KRTAP5-11: variants seen among roughly 807,000 people sequenced by gnomAD.
The protein encoded by KRTAP5-11 is keratin associated protein 5-11.
For missense variants in KRTAP5-11, 202 were observed against 188.7 expected, an observed-to-expected ratio of 1.07 and a Z score of -0.41; for synonymous variants, 88 against 73.0, an observed-to-expected ratio of 1.21 and a Z score of -1.05.
chr11:71,582,110 C>T lies in KRTAP5-11; in HGVS notation c.*257G>A. ...AGCCCAGGGAGAAGAAGAAGATGGTCCACACCCAAGTGCAGGGAACACCAT... is the reference window on the plus strand; with the variant it reads ...AGCCCAGGGAGAAGAAGAAGATGGTTCACACCCAAGTGCAGGGAACACCAT... On this transcript the variant is annotated 3_prime_UTR_variant, in exon 1 of 1. Transcript: ENST00000398530. 1.4e-6 allele frequency: 1 copy of T among 718,054 alleles called. No individual in the cohort carries two copies. The highest frequency in any genetic ancestry group is 3.0e-5 in the Admixed American group (1 of 33,032). The allele number at this position is 718,054 out of a possible 1,614,324, so 44.5% of individuals were successfully genotyped here.
In KRTAP5-11 at chr11:71,582,846, C is replaced by A. The variant is rs75907819; in HGVS notation, c.-9G>T. 57,891 of 1,613,790 alleles carry A rather than the reference C, an allele frequency of 0.036. 1,969 individuals are homozygous for A. The highest frequency in any genetic ancestry group is 0.13 in the East Asian group (5,794 of 44,874). On this transcript the variant is annotated 5_prime_UTR_variant, in exon 1 of 1. Transcript: ENST00000398530. ...CAGCCACAGCAGCCCATGATTCTGG[C>A]GGATTGAGAGTAGAGCAGGTAGAGG... is the stretch of plus-strand genomic sequence containing the variant.
At position 71,582,155 on chromosome 11, in the gene KRTAP5-11, C is replaced by A. The variant is rs1950272556; in HGVS notation, c.*212G>T. ...CACCATGGCGTCCAGGGAAGAACAC[C>A]TCCTGCATCAAGGAAACACATGTTT... On this transcript the variant is annotated 3_prime_UTR_variant, in exon 1 of 1. Coordinates refer to ENST00000398530, the MANE Select transcript of KRTAP5-11 (RefSeq NM_001005405.3). The A allele has an allele frequency of 2.9e-6, 3 of 1,049,840 alleles. No homozygotes were observed. Among genetic ancestry groups the A allele is most frequent in the South Asian group, 3.4e-5 (2 of 59,428 alleles). 65.0% of individuals were successfully genotyped at this position (1,049,840 alleles called of 1,614,324 possible).
chr11:71,582,597 C>T lies in KRTAP5-11; in HGVS notation c.241G>A (p.Gly81Ser), dbSNP rs373729662. 1.3e-4 allele frequency: 202 copies of T among 1,613,942 alleles called. 1 individual carries two copies. Among genetic ancestry groups the T allele is most frequent in the Non-Finnish European group, 1.7e-4 (198 of 1,179,992 alleles). Residue 81 changes from glycine (G) to serine (S), a missense_variant, in exon 1 of 1, where the codon GGC (glycine) becomes AGC (serine). Coordinates refer to ENST00000398530, the MANE Select transcript of KRTAP5-11 (RefSeq NM_001005405.3). The part of the protein sequence containing the change: ...GSSKGGCGSC[G>S]CSQSNCCKPC... ...TTACAGCAGTTGGACTGGGAGCAGCCACAAGAACCACACCCACCCTTGGAG... is the reference window on the plus strand; with the variant it reads ...TTACAGCAGTTGGACTGGGAGCAGCTACAAGAACCACACCCACCCTTGGAG...
In KRTAP5-11 at chr11:71,582,545, C is replaced by A; in HGVS notation, c.293G>T (p.Gly98Val). The stretch of plus-strand genomic sequence containing the variant: ...GCAGCTGGACTGGCAGCAGAATGAC[C>A]CACAGCCTGAGGAGGAGCAGCAGGG... ...CKPCCSSSGCGSFCCQSSCSK... is the reference protein window; with the variant it reads ...CKPCCSSSGCVSFCCQSSCSK... Residue 98 changes from glycine (G) to valine (V), a missense_variant, in exon 1 of 1, where the codon GGG becomes GTG. Gly to Val is a moderately radical substitution (Grantham distance 109). Transcript: ENST00000398530. The A allele has an allele frequency of 6.2e-7, 1 of 1,613,766 alleles. No homozygotes were observed. The highest frequency in any genetic ancestry group is 1.3e-5 in the African/African-American group (1 of 74,818).
chr11:71,582,218 G>C lies in KRTAP5-11; in HGVS notation c.*149C>G, dbSNP rs1363178247. The stretch of plus-strand genomic sequence containing the variant: ...AGCTGAAGGCAGGGCCTAGAGGAGA[G>C]CCGAGCCATGGAAAGAGGTGCATGC... On this transcript the variant is annotated 3_prime_UTR_variant, in exon 1 of 1. Coordinates refer to ENST00000398530, the MANE Select transcript of KRTAP5-11 (RefSeq NM_001005405.3). 1.9e-5 allele frequency: 29 copies of C among 1,520,206 alleles called. No homozygotes were observed. Among genetic ancestry groups the C allele is most frequent in the Non-Finnish European group, 2.5e-5 (28 of 1,123,106 alleles). The allele number at this position is 1,520,206 out of a possible 1,614,324, so 94.2% of individuals were successfully genotyped here.
Position 71,582,771 on chromosome 11 carries a change from C to T in KRTAP5-11, c.67G>A (p.Gly23Ser), listed in dbSNP as rs1400626245. The T allele has an allele frequency of 6.5e-7, 1 of 1,529,858 alleles. No individual in the cohort carries two copies. Among genetic ancestry groups the T allele is most frequent in the African/African-American group, 2.0e-5 (1 of 50,264 alleles). 94.8% of individuals were successfully genotyped at this position (1,529,858 alleles called of 1,614,324 possible). The change falls in exon 1 of 1, where the codon GGC (glycine) becomes AGC (serine). Residue 23 changes from glycine (G) to serine (S), a missense_variant. Coordinates refer to ENST00000398530, the MANE Select transcript of KRTAP5-11 (RefSeq NM_001005405.3). Reference protein sequence around the residue: ...GCGGCGSGSGGCGSGCGGCGS... With the variant: ...GCGGCGSGSGSCGSGCGGCGS... ...CAGCCCCCACAGCCAGAGCCACAGC[C>T]CCCACTGCCGGAGCCACAGCCCCCA...
Position 71,582,739 on chromosome 11 carries a change from GGAGCCACAGCCCCCACAGCCA to G in KRTAP5-11, c.78_98del (p.Gly27_Ser33del), listed in dbSNP as rs1231471865. 3 of 1,530,028 alleles carry G rather than the reference GGAGCCACAGCCCCCACAGCCA, an allele frequency of 2.0e-6. No homozygotes were observed. The highest frequency in any genetic ancestry group is 2.0e-5 in the African/African-American group (1 of 50,314). The allele number at this position is 1,530,028 out of a possible 1,614,324, so 94.8% of individuals were successfully genotyped here. A position where few individuals can be genotyped will look rare whatever the true frequency, so the allele number is the denominator to read the frequency against. On this transcript the variant is annotated inframe_deletion, in exon 1 of 1. Coordinates refer to ENST00000398530, the MANE Select transcript of KRTAP5-11 (RefSeq NM_001005405.3). The stretch of plus-strand genomic sequence containing the variant: ...AGCAGCAAATGGGCACACAGCAGCT[GGAGCCACAGCCCCCACAGCCA>G]GAGCCACAGCCCCCACTGCCGGAGC...
Position 71,582,118 on chromosome 11 carries a change from A to T in KRTAP5-11, c.*249T>A. 1 of 756,708 alleles carries T rather than the reference A, an allele frequency of 1.3e-6. No homozygotes were observed. Among genetic ancestry groups the T allele is most frequent in the East Asian group, 2.9e-5 (1 of 34,742 alleles). The allele number at this position is 756,708 out of a possible 1,614,324, so 46.9% of individuals were successfully genotyped here. A position where few individuals can be genotyped will look rare whatever the true frequency, so the allele number is the denominator to read the frequency against. ...GAGAAGAAGAAGATGGTCCACACCC[A>T]AGTGCAGGGAACACCATGGCGTCCA... On this transcript the variant is annotated 3_prime_UTR_variant, in exon 1 of 1. Coordinates refer to ENST00000398530, the MANE Select transcript of KRTAP5-11 (RefSeq NM_001005405.3).
At position 71,582,762 on chromosome 11, in the gene KRTAP5-11, AGCCACAGCCCCCACTGCCG is replaced by A; in HGVS notation, c.57_75del (p.Gly20LeufsTer145). 1 of 1,530,006 alleles carries A rather than the reference AGCCACAGCCCCCACTGCCG, an allele frequency of 6.5e-7. No individual in the cohort carries two copies. The highest frequency in any genetic ancestry group is 1.9e-4 in the Middle Eastern group (1 of 5,266). The allele number at this position is 1,530,006 out of a possible 1,614,324, so 94.8% of individuals were successfully genotyped here. On this transcript the variant is annotated frameshift_variant, in exon 1 of 1. Transcript: ENST00000398530. LOFTEE classifies it low-confidence loss of function (END_TRUNC). ...CTGGAGCCACAGCCCCCACAGCCAG[AGCCACAGCCCCCACTGCCG>A]GAGCCACAGCCCCCACAGCCAGAGC...
chr11:71,582,489 A>G lies in KRTAP5-11; in HGVS notation c.349T>C (p.Cys117Arg). The change falls in exon 1 of 1, where the codon TGC (cysteine) becomes CGC (arginine). Residue 117 changes from cysteine (C) to arginine (R), a missense_variant. Coordinates refer to ENST00000398530, the MANE Select transcript of KRTAP5-11 (RefSeq NM_001005405.3). ...SKPCCCQSSC[C>R]QSSCCKPCCC... ...CAGGGCTTGCAGCAGCTGGACTGGC[A>G]GCAGCTGGATTGGCAGCAGCAGGGT... 6.2e-7 allele frequency: 1 copy of G among 1,613,798 alleles called. No homozygotes were observed.
Position 71,582,143 on chromosome 11 carries a change from A to G in KRTAP5-11, c.*224T>C, listed in dbSNP as rs1220500414. On this transcript the variant is annotated 3_prime_UTR_variant, in exon 1 of 1. Transcript: ENST00000398530. ...AAGTGCAGGGAACACCATGGCGTCC[A>G]GGGAAGAACACCTCCTGCATCAAGG... 1.2e-5 allele frequency: 11 copies of G among 935,842 alleles called. No homozygotes were observed. Among genetic ancestry groups the G allele is most frequent in the South Asian group, 7.1e-5 (4 of 56,268 alleles). 58.0% of individuals were successfully genotyped at this position (935,842 alleles called of 1,614,324 possible). A position where few individuals can be genotyped will look rare whatever the true frequency, so the allele number is the denominator to read the frequency against.
In KRTAP5-11 at chr11:71,582,357, G is replaced by T; in HGVS notation, c.*10C>A. On this transcript the variant is annotated 3_prime_UTR_variant, in exon 1 of 1. Coordinates refer to ENST00000398530, the MANE Select transcript of KRTAP5-11 (RefSeq NM_001005405.3). ...AAAGAGGAGAAACCTGAAGGTCTGG[G>T]TCCAGAGCCTCAGATCTTACACTGG... 6.2e-7 allele frequency: 1 copy of T among 1,614,194 alleles called. No individual in the cohort carries two copies. Among genetic ancestry groups the T allele is most frequent in the Non-Finnish European group, 8.5e-7 (1 of 1,180,044 alleles).
Position 71,582,253 on chromosome 11 carries a change from G to A in KRTAP5-11, c.*114C>T, listed in dbSNP as rs1950273071. 7 of 1,577,026 alleles carry A rather than the reference G, an allele frequency of 4.4e-6. No individual in the cohort carries two copies. The highest frequency in any genetic ancestry group is 4.3e-6 in the Non-Finnish European group (5 of 1,160,282). ...GGAAAGAGGTGCATGCATGGATGAT[G>A]AGCTAGAGCAGGTGCAGGTGCCTCA... On this transcript the variant is annotated 3_prime_UTR_variant, in exon 1 of 1. Transcript: ENST00000398530.
Position 71,582,800 on chromosome 11 carries a change from CCA to C in KRTAP5-11, c.36_37del (p.Gly13LeufsTer76). The C allele has an allele frequency of 1.2e-6, 2 of 1,611,964 alleles. No individual in the cohort carries two copies. The highest frequency in any genetic ancestry group is 8.5e-7 in the Non-Finnish European group (1 of 1,178,960). On this transcript the variant is annotated frameshift_variant, in exon 1 of 1. Transcript: ENST00000398530. LOFTEE classifies it low-confidence loss of function (END_TRUNC). ...ACTGCCGGAGCCACAGCCCCCACAG[CCA>C]GAGCCACAGCCTCCAGAACAGCCAC...
rs770513024 is a variant in KRTAP5-11 at position 71,582,469 on chromosome 11, C to T, written c.369G>A (p.Lys123=). The change falls in exon 1 of 1, where the codon AAG becomes AAA. Residue 123 remains lysine (K), a synonymous_variant. Transcript: ENST00000398530. Reference sequence around the variant, plus strand: ...AGCAGCTGGATTGGCAGCAGCAGGGCTTGCAGCAGCTGGACTGGCAGCAGC... The same window carrying T: ...AGCAGCTGGATTGGCAGCAGCAGGGTTTGCAGCAGCTGGACTGGCAGCAGC... The part of the protein sequence containing the change: ...QSSCCQSSCC[K]PCCCQSSCCQ... 14 of 1,613,612 alleles carry T rather than the reference C, an allele frequency of 8.7e-6. No homozygotes were observed. The highest frequency in any genetic ancestry group is 1.3e-5 in the African/African-American group (1 of 74,772).
At position 71,582,205 on chromosome 11, in the gene KRTAP5-11, G is replaced by T; in HGVS notation, c.*162C>A. 1.4e-6 allele frequency: 2 copies of T among 1,448,402 alleles called. No homozygotes were observed. Among genetic ancestry groups the T allele is most frequent in the East Asian group, 2.3e-5 (1 of 43,684 alleles). The allele number at this position is 1,448,402 out of a possible 1,614,324, so 89.7% of individuals were successfully genotyped here. A position where few individuals can be genotyped will look rare whatever the true frequency, so the allele number is the denominator to read the frequency against. On this transcript the variant is annotated 3_prime_UTR_variant, in exon 1 of 1. Coordinates refer to ENST00000398530, the MANE Select transcript of KRTAP5-11 (RefSeq NM_001005405.3). The stretch of plus-strand genomic sequence containing the variant: ...TCCGGAGTGAGGAAGCTGAAGGCAG[G>T]GCCTAGAGGAGAGCCGAGCCATGGA...
At position 71,582,452 on chromosome 11, in the gene KRTAP5-11, G is replaced by A. The variant is rs758663445; in HGVS notation, c.386C>T (p.Ser129Phe). The change falls in exon 1 of 1, where the codon TCC (serine) becomes TTC (phenylalanine). Residue 129 changes from serine (S) to phenylalanine (F), a missense_variant. Ser to Phe is a radical substitution (Grantham distance 155). Transcript: ENST00000398530. Reference sequence around the variant, plus strand: ...GAAGCAGCTAGACTGGCAGCAGCTGGATTGGCAGCAGCAGGGCTTGCAGCA... The same window carrying A: ...GAAGCAGCTAGACTGGCAGCAGCTGAATTGGCAGCAGCAGGGCTTGCAGCA... Reference protein sequence around the residue: ...SSCCKPCCCQSSCCQSSCFKP... With the variant: ...SSCCKPCCCQFSCCQSSCFKP... 2.5e-6 allele frequency: 4 copies of A among 1,613,874 alleles called. No homozygotes were observed. The South Asian group carries it at 3.3e-5, about 13-fold the overall frequency.
At position 71,582,092 on chromosome 11, in the gene KRTAP5-11, G is replaced by A. The variant is rs114237482; in HGVS notation, c.*275C>T. On this transcript the variant is annotated 3_prime_UTR_variant, in exon 1 of 1. Transcript: ENST00000398530. ...AGACCTAGCATCTCAGTCAGCCCAGGGAGAAGAAGAAGATGGTCCACACCC... is the reference window on the plus strand; with the variant it reads ...AGACCTAGCATCTCAGTCAGCCCAGAGAGAAGAAGAAGATGGTCCACACCC... The A allele has an allele frequency of 3.3e-3, 2,040 of 626,062 alleles. 28 individuals carry two copies. In the African/African-American group the frequency reaches 0.035, roughly 11 times the overall value. 38.8% of individuals were successfully genotyped at this position (626,062 alleles called of 1,614,324 possible). A position where few individuals can be genotyped will look rare whatever the true frequency, so the allele number is the denominator to read the frequency against.
Position 71,582,587 on chromosome 11 carries a change from T to C in KRTAP5-11, c.251A>G (p.Gln84Arg), listed in dbSNP as rs771807967. The change falls in exon 1 of 1, where the codon CAG becomes CGG. Residue 84 changes from glutamine (Q) to arginine (R), a missense_variant. Gln to Arg is a conservative substitution (Grantham distance 43). Coordinates refer to ENST00000398530, the MANE Select transcript of KRTAP5-11 (RefSeq NM_001005405.3). ...KGGCGSCGCS[Q>R]SNCCKPCCSS... ...GCAGCAGGGCTTACAGCAGTTGGAC[T>C]GGGAGCAGCCACAAGAACCACACCC... 9.9e-6 allele frequency: 16 copies of C among 1,613,860 alleles called. No individual in the cohort carries two copies. Among genetic ancestry groups the C allele is most frequent in the Non-Finnish European group, 1.1e-5 (13 of 1,179,962 alleles).
Sources: gnomAD v4.1 joint callset for allele counts on GRCh38, gnomAD v4.1.1 for gene constraint, MANE v1.5 for transcripts, NCBI Gene and HGNC (gene_info 2026-07-23, HGNC 2026-07-21) for gene names.